PTPRT: variants seen among roughly 807,000 people sequenced by gnomAD.
PTPRT encodes receptor-type tyrosine-protein phosphatase T.
A neutral mutation model predicts 176.8 loss-of-function variants in PTPRT; 56 were observed. That is an observed-to-expected ratio of 0.32 (90% CI 0.26 to 0.40). The LOEUF (loss-of-function observed/expected upper bound fraction) is 0.40, where lower values mean the gene tolerates loss of function less well. Ranked by LOEUF, PTPRT falls within the 10% of genes least tolerant of loss-of-function variation. PTPRT has a pLI of 1.00. For synonymous variants in PTPRT, 783 were observed against 739.0 expected (o/e 1.06, Z -0.96); for missense variants, 1,540 against 1,908.2 (o/e 0.81, Z 3.60).
At chr20:42,329,855 T>C (rs2057942539) in intron 11 of PTPRT, among the ~76,000 whole-genome samples, 1 of 152,172 alleles carries the variant, frequency 6.6e-6, no homozygotes, top group Admixed American at 6.5e-5. Context: ...AATGATAACA[T>C]TGTATGAATT....
At chr20:42,494,592 A>G (rs2071620229) in intron 7 of PTPRT, among the ~76,000 whole-genome samples, 6 of 151,940 alleles carry the variant, frequency 3.9e-5, no homozygotes, top group Admixed American at 3.9e-4. Flanking sequence ...TATCATATCA[A>G]TCTCCTTTAT....
At chr20:42,345,237 G>C (rs931665199) in intron 11 of PTPRT, among the ~76,000 whole-genome samples, 2 of 151,580 alleles carry the variant, frequency 1.3e-5, no homozygotes, top group Non-Finnish European at 2.9e-5. Context: ...CCATATATCT[G>C]GTGCTCAATG....
rs556070619 is a variant in PTPRT at position 42,665,687 on chromosome 20, C to T, written c.1153+12179G>A. Among the ~76,000 whole-genome samples, 4 of 152,188 alleles carry T rather than the reference C, an allele frequency of 2.6e-5. No homozygotes were observed. In the South Asian group the frequency reaches 6.2e-4, roughly 24 times the overall value. Reference sequence around the variant, plus strand: ...TAATCACAATAGCACAGACTTGGAACCAACCCAAATGTCCAACAGTGATAG... The same window carrying T: ...TAATCACAATAGCACAGACTTGGAATCAACCCAAATGTCCAACAGTGATAG... On this transcript the variant is annotated intron_variant, in intron 7 of 30. Coordinates refer to ENST00000373187, the MANE Select transcript of PTPRT (RefSeq NM_007050.6).
In PTPRT at chr20:42,928,075, G is replaced by A. The variant is rs532725614; in HGVS notation, c.89-42143C>T. On this transcript the variant is annotated intron_variant, in intron 1 of 30. Coordinates refer to ENST00000373187, the MANE Select transcript of PTPRT (RefSeq NM_007050.6). ...AACTGGGACGGGGTAAGGAGGCAGG[G>A]AAGGTGAAGGTTGCTTTCCCAAAGC... is the stretch of plus-strand genomic sequence containing the variant. 2.0e-5 allele frequency among the ~76,000 whole-genome samples: 3 copies of A among 152,332 alleles called. No homozygotes were observed. The East Asian group carries it at 5.8e-4, about 29-fold the overall frequency.
chr20:42,582,267 G>A (rs2073387246), intron 7 of PTPRT, among the ~76,000 whole-genome samples: 1 of 152,106 alleles, frequency 6.6e-6, no homozygotes, highest in African/African-American at 2.4e-5. Context: ...TGGAGGGCTG[G>A]TCCCAAAGGC....
Position 42,472,368 on chromosome 20 carries a change from G to T in PTPRT, c.1348C>A (p.Arg450=), listed in dbSNP as rs369115383. The change falls in exon 8 of 31, where the codon CGA becomes AGA. Residue 450 remains arginine (R), a synonymous_variant. Coordinates refer to ENST00000373187, the MANE Select transcript of PTPRT (RefSeq NM_007050.6). Reference sequence around the variant, plus strand: ...ATGGTCATGAAGGGGCGCAGGCCTCGCAGGGTGTAGTGGGAGGAGGTCTGG... The same window carrying T: ...ATGGTCATGAAGGGGCGCAGGCCTCTCAGGGTGTAGTGGGAGGAGGTCTGG... ...VIQTSSHYTL[R]GLRPFMTIRL... is the part of the protein sequence containing the mutation. 397 of 1,614,084 alleles carry T rather than the reference G, an allele frequency of 2.5e-4. 1 individual carries two copies. Among genetic ancestry groups the T allele is most frequent in the Non-Finnish European group, 3.3e-4 (386 of 1,180,036 alleles).
chr20:43,017,495 T>C (rs539816759), intron 1 of PTPRT, among the ~76,000 whole-genome samples: 2 of 152,362 alleles, frequency 1.3e-5, no homozygotes, highest in South Asian at 2.1e-4. Flanking sequence ...TATGTCTGTC[T>C]GTCTTCCCCC....
chr20:42,246,975 G>GTAAT (rs1258683266), intron 14 of PTPRT, among the ~76,000 whole-genome samples: 2 of 152,174 alleles, frequency 1.3e-5, no homozygotes, highest in Non-Finnish European at 2.9e-5. Flanking sequence ...ACTACCCTAT[G>GTAAT]TAATAGCAGC....
At position 42,184,794 on chromosome 20, in the gene PTPRT, A is replaced by ATTT. The variant is rs113419816; in HGVS notation, c.2491+14443_2491+14445dup. Among the ~76,000 whole-genome samples the ATTT allele has an allele frequency of 6.8e-4, 95 of 139,754 alleles. 1 individual carries two copies. Among genetic ancestry groups the ATTT allele is most frequent in the Middle Eastern group, 3.5e-3 (1 of 282 alleles). The allele number at this position is 139,754 out of a possible 152,430, so 91.7% of individuals were successfully genotyped here. ...AGGCATGCACCACCACACCCGGCTAATTTTTTTTTTTTTGTATTTTTACCA... is the reference window on the plus strand; with the variant it reads ...AGGCATGCACCACCACACCCGGCTAATTTTTTTTTTTTTTTTGTATTTTTACCA... On this transcript the variant is annotated intron_variant, in intron 16 of 30. Coordinates refer to ENST00000373187, the MANE Select transcript of PTPRT (RefSeq NM_007050.6).
chr20:42,741,353 C>CT (rs376747081), intron 6 of PTPRT, among the ~76,000 whole-genome samples: 13 of 151,950 alleles, frequency 8.6e-5, no homozygotes, highest in South Asian at 2.1e-4. Context: ...CTTTTCTGTT[C>CT]TTTTTTTTGA....
In PTPRT at chr20:43,083,337, T is replaced by TGTATACAC. The variant is rs1568773961; in HGVS notation, c.88+106308_88+106309insGTGTATAC. On this transcript the variant is annotated intron_variant, in intron 1 of 30. Transcript: ENST00000373187. ...CTTCAAATGTATATATATATATATA[T>TGTATACAC]ATATATATATATATATATATATATA... 1.2e-4 allele frequency among the ~76,000 whole-genome samples: 13 copies of TGTATACAC among 105,764 alleles called. No homozygotes were observed. In the South Asian group the frequency reaches 4.2e-3, roughly 34 times the overall value. The allele number at this position is 105,764 out of a possible 152,430, so 69.4% of individuals were successfully genotyped here. A position where few individuals can be genotyped will look rare whatever the true frequency, so the allele number is the denominator to read the frequency against.
At chr20:42,920,408 T>C (rs746925303) in intron 1 of PTPRT, among the ~76,000 whole-genome samples, 1 of 150,738 alleles carries the variant, frequency 6.6e-6, no homozygotes, top group Admixed American at 6.6e-5. Context: ...GGGAGGGAAG[T>C]TGAGGGGAGG....
chr20:42,132,715 G>A (rs1479068569), intron 18 of PTPRT, among the ~76,000 whole-genome samples: 2 of 152,170 alleles, frequency 1.3e-5, no homozygotes, highest in Non-Finnish European at 1.5e-5. Flanking sequence ...TTCATTGCTG[G>A]TGGGAATGCA....
rs140662332 is a variant in PTPRT, at chr20:42,627,348, C to T, written c.1153+50518G>A. 3.0e-3 allele frequency among the ~76,000 whole-genome samples: 459 copies of T among 152,048 alleles called. 4 individuals are homozygous for T. The highest frequency in any genetic ancestry group is 0.011 in the African/African-American group (439 of 41,456). On this transcript the variant is annotated intron_variant, in intron 7 of 30. Coordinates refer to ENST00000373187, the MANE Select transcript of PTPRT (RefSeq NM_007050.6). ...CCTAGGCTAGAGCTTATTGCAGCCT[C>T]GCACACCTGGGATCAAACAACCCTC...
chr20:42,441,498 C>T (rs1024180295), intron 9 of PTPRT, among the ~76,000 whole-genome samples: 9 of 152,044 alleles, frequency 5.9e-5, no homozygotes, highest in Admixed American at 1.3e-4. Context: ...TTCAGTGCCT[C>T]GAAGTTAAGA....
At chr20:42,619,042 T>C (rs2074136923) in intron 7 of PTPRT, among the ~76,000 whole-genome samples, 2 of 151,546 alleles carry the variant, frequency 1.3e-5, no homozygotes, top group South Asian at 4.2e-4. Flanking sequence ...GTCTCGATGG[T>C]CTTTACATTT....
chr20:43,101,457 G>A (rs2012389271), intron 1 of PTPRT, among the ~76,000 whole-genome samples: 1 of 152,054 alleles, frequency 6.6e-6, no homozygotes, highest in African/African-American at 2.4e-5. Context: ...TTCTTAGCCT[G>A]AGTCTCCTAA....
chr20:42,126,829 T>C (rs1261034789), intron 19 of PTPRT, among the ~76,000 whole-genome samples: 1 of 152,166 alleles, frequency 6.6e-6, no homozygotes, highest in East Asian at 1.9e-4. Flanking sequence ...GCTGGCATGA[T>C]GGATGTATGC....
chr20:42,757,002 A>G (rs1328942025), intron 5 of PTPRT, among the ~76,000 whole-genome samples: 2 of 149,906 alleles, frequency 1.3e-5, no homozygotes, highest in Non-Finnish European at 3.0e-5. Flanking sequence ...GTGAGCCATG[A>G]TCAAGCCACT....
Sources: gnomAD v4.1 joint callset for allele counts (sites outside exome capture counted in the v4.1 genomes callset) on GRCh38, gnomAD v4.1.1 for gene constraint, MANE v1.5 for transcripts, NCBI Gene and HGNC (gene_info 2026-07-23, HGNC 2026-07-21) for gene names.